The following PPP4R3A variants were observed in gnomAD, a reference collection of about 807,000 sequenced individuals.
PPP4R3A encodes the protein serine/threonine-protein phosphatase 4 regulatory subunit 3A.
Under a neutral mutation model 91.7 loss-of-function variants are expected in PPP4R3A, and 15 were observed. That is an observed-to-expected ratio of 0.16 (90% CI 0.11 to 0.25). The LOEUF is 0.25. PPP4R3A is among the 10% of genes least tolerant of loss of function. The pLI, the probability that PPP4R3A is intolerant of heterozygous loss-of-function variation, is 1.00. For missense variants in PPP4R3A, 623 were observed against 998.4 expected (o/e 0.62, Z 5.07); for synonymous variants, 377 against 348.7 (o/e 1.08, Z -0.91).
In PPP4R3A at chr14:91,458,641, G is replaced by A. The variant is rs1426789744; in HGVS notation, c.*118C>T. 2 of 1,432,472 alleles carry A rather than the reference G, an allele frequency of 1.4e-6. No individual in the cohort carries two copies. The highest frequency in any genetic ancestry group is 2.3e-5 in the East Asian group (1 of 43,936). 88.7% of individuals were successfully genotyped at this position (1,432,472 alleles called of 1,614,324 possible). A position where few individuals can be genotyped will look rare whatever the true frequency, so the allele number is the denominator to read the frequency against. The stretch of plus-strand genomic sequence containing the variant: ...TGATGAGCAGAAGTCAAGTGTAAGA[G>A]GCTGATCTGTGTCAGTCATTCACAA... On this transcript the variant is annotated 3_prime_UTR_variant, in exon 15 of 15. Transcript: ENST00000554943.
At position 91,507,170 on chromosome 14, in the gene PPP4R3A, A is replaced by C. The variant is rs1891347941; in HGVS notation, c.142+2336T>G. On this transcript the variant is annotated intron_variant, in intron 1 of 14. Coordinates refer to ENST00000554943, the MANE Select transcript of PPP4R3A (RefSeq NM_001366432.2). ...CCCGTCTCTACTAAAAATACAAAAA[A>C]ATTAGCCAGGCATAGTGGCACATGC... Among the ~76,000 whole-genome samples, 3 of 151,658 alleles carry C rather than the reference A, an allele frequency of 2.0e-5. No homozygotes were observed. In the South Asian group the frequency reaches 6.2e-4, roughly 31 times the overall value.
intron 2 of PPP4R3A, among the ~76,000 whole-genome samples, chr14:91,487,461 T>C (rs927487646): frequency 3.9e-5 from 6 of 152,050 alleles, no homozygotes; most frequent in Admixed American, 6.6e-5. Context: ...CACTCAAGTG[T>C]TTTTTCAAGC....
At position 91,462,145 on chromosome 14, in the gene PPP4R3A, T is replaced by C. The variant is rs1210498171; in HGVS notation, c.2068A>G (p.Met690Val). Residue 690 changes from methionine to valine, a missense_variant, in exon 13 of 15, where the codon ATG becomes GTG. This residue lies in a region of PPP4R3A where 201 missense variants were observed against 229.9 expected (regional missense o/e 0.87). Coordinates refer to ENST00000554943, the MANE Select transcript of PPP4R3A (RefSeq NM_001366432.2). ...GACACTACAGCTTCTCCATCTTCCA[T>C]GTCATCTTCATCTGTGTTAAACCAC... ...EMWFNTDEDD[M>V]EDGEAVVSPS... 2.5e-6 allele frequency: 4 copies of C among 1,609,030 alleles called. No homozygotes were observed. Among genetic ancestry groups the C allele is most frequent in the South Asian group, 1.1e-5 (1 of 89,968 alleles).
chr14:91,469,677 T>C (rs1215459340), intron 10 of PPP4R3A, among the ~76,000 whole-genome samples: 1 of 152,168 alleles, frequency 6.6e-6, no homozygotes, highest in Non-Finnish European at 1.5e-5. Flanking sequence ...CAAGCGATCC[T>C]TCTGCCTCAG....
At chr14:91,508,078 C>A (rs1319070481) in intron 1 of PPP4R3A, among the ~76,000 whole-genome samples, 10 of 152,140 alleles carry the variant, frequency 6.6e-5, no homozygotes, top group Admixed American at 6.5e-4. Flanking sequence ...TGTGAAAGAT[C>A]TAGAGTAGGT....
At chr14:91,495,329 T>TGTGTGTGTG (rs1409046314) in intron 1 of PPP4R3A, among the ~76,000 whole-genome samples, 1 of 151,200 alleles carries the variant, frequency 6.6e-6, no homozygotes. Context: ...TGTGTGTATG[T>TGTGTGTGTG]TTTTTTTTAG....
intron 14 of PPP4R3A, 27 bp from the exon 15 acceptor site, chr14:91,458,896 G>A: frequency 1.3e-6 from 2 of 1,561,322 alleles, no homozygotes; most frequent in Non-Finnish European, 1.7e-6. Flanking sequence ...ATTATTTAAA[G>A]AACAGAAAAT....
chr14:91,462,042 A>G lies in PPP4R3A; in HGVS notation c.2164+7T>C. 2.7e-6 allele frequency: 4 copies of G among 1,494,064 alleles called. No individual in the cohort carries two copies. Among genetic ancestry groups the G allele is most frequent in the Non-Finnish European group, 3.6e-6 (4 of 1,122,826 alleles). 92.6% of individuals were successfully genotyped at this position (1,494,064 alleles called of 1,614,324 possible). A position where few individuals can be genotyped will look rare whatever the true frequency, so the allele number is the denominator to read the frequency against. ...AATTTTCTCTTGCCCATTTTTTTCC[A>G]ACATACATTTCTTCCTTTCCATGAA... On this transcript the variant is annotated splice_region_variant and intron_variant, in intron 13 of 14. Transcript: ENST00000554943.
chr14:91,458,730 C>G lies in PPP4R3A; in HGVS notation c.*29G>C. On this transcript the variant is annotated 3_prime_UTR_variant, in exon 15 of 15. Transcript: ENST00000554943. ...GGGGTGGAGAACCAGTTTTTTTCAA[C>G]AGGTACTGATCCTAGGCCGTTGCCA... The G allele has an allele frequency of 6.2e-7, 1 of 1,613,890 alleles. No homozygotes were observed. The highest frequency in any genetic ancestry group is 8.5e-7 in the Non-Finnish European group (1 of 1,179,894).
intron 3 of PPP4R3A, among the ~76,000 whole-genome samples, chr14:91,482,596 G>A (rs1388337526): frequency 2.6e-5 from 4 of 152,152 alleles, no homozygotes; most frequent in African/African-American, 9.7e-5. Flanking sequence ...TCCTAGGACT[G>A]TGCTAAAGGA....
chr14:91,490,875 T>C (rs1224164332), intron 1 of PPP4R3A, 73 bp from the exon 2 acceptor site: 3 of 594,016 alleles, frequency 5.1e-6, no homozygotes, highest in Admixed American at 3.7e-5. Flanking sequence ...CATACACACA[T>C]ATTTCCTTAA....
rs1011309878 is a variant in PPP4R3A, at chr14:91,499,900, T to C, written c.143-9098A>G. Among the ~76,000 whole-genome samples the C allele has an allele frequency of 4.6e-5, 7 of 151,716 alleles. 1 individual carries two copies. In the South Asian group the frequency reaches 8.3e-4, roughly 18 times the overall value. On this transcript the variant is annotated intron_variant, in intron 1 of 14. Transcript: ENST00000554943. ...ATAAAATGAAATGTGAGGCCCTTTCTTGTAGGGTGCTACCAACCCCCACCA... is the reference window on the plus strand; with the variant it reads ...ATAAAATGAAATGTGAGGCCCTTTCCTGTAGGGTGCTACCAACCCCCACCA...
chr14:91,468,118 C>G (rs1458624419), intron 10 of PPP4R3A, among the ~76,000 whole-genome samples: 1 of 152,132 alleles, frequency 6.6e-6, no homozygotes, highest in Non-Finnish European at 1.5e-5. Flanking sequence ...GAGAGGTACA[C>G]CAAGAGGTCC....
intron 1 of PPP4R3A, among the ~76,000 whole-genome samples, chr14:91,509,247 G>A (rs1891614907): frequency 6.6e-6 from 1 of 152,150 alleles, no homozygotes; most frequent in African/African-American, 2.4e-5. Context: ...CCACACTCCA[G>A]GGCGGCACAG....
At chr14:91,506,158 A>T (rs1302114009) in intron 1 of PPP4R3A, among the ~76,000 whole-genome samples, 1 of 152,180 alleles carries the variant, frequency 6.6e-6, no homozygotes, top group Non-Finnish European at 1.5e-5. Flanking sequence ...CATATTAGCC[A>T]GGATGGTCTC....
intron 1 of PPP4R3A, among the ~76,000 whole-genome samples, chr14:91,504,828 A>C (rs1012051359): frequency 1.3e-5 from 2 of 152,158 alleles, no homozygotes; most frequent in Non-Finnish European, 1.5e-5. Context: ...CATGAAGGCC[A>C]CAAGTACTTC....
intron 1 of PPP4R3A, among the ~76,000 whole-genome samples, chr14:91,502,300 T>C (rs1335289599): frequency 4.6e-5 from 7 of 151,984 alleles, no homozygotes; most frequent in Non-Finnish European, 1.0e-4. Flanking sequence ...GTGGCATGTG[T>C]CTACAGTCCC....
At chr14:91,470,630 C>A (rs1276631167) in intron 10 of PPP4R3A, among the ~76,000 whole-genome samples, 1 of 152,158 alleles carries the variant, frequency 6.6e-6, no homozygotes, top group African/African-American at 2.4e-5. Flanking sequence ...ACTGTAGATA[C>A]ATTCTACTCC....
At chr14:91,464,426 A>T (rs770270073) in intron 11 of PPP4R3A, among the ~76,000 whole-genome samples, 6 of 151,788 alleles carry the variant, frequency 4.0e-5, no homozygotes, top group Non-Finnish European at 5.9e-5. Flanking sequence ...AAAATGGTTA[A>T]AATAGCAAGT....
Sources: allele counts gnomAD v4.1 joint callset (sites outside exome capture counted in the v4.1 genomes callset), GRCh38; gene constraint gnomAD v4.1.1; regional missense constraint gnomAD v4.1.1; transcripts MANE v1.5; gene names NCBI Gene and HGNC (gene_info 2026-07-23, HGNC 2026-07-21).